The following MACROD2 variants were observed in gnomAD, a reference collection of about 807,000 sequenced individuals.
MACROD2 encodes mono-ADP ribosylhydrolase 2.
A neutral mutation model predicts 70.4 loss-of-function variants in MACROD2; 36 were observed. That is an observed-to-expected ratio of 0.51 (90% CI 0.39 to 0.68). MACROD2 has a LOEUF of 0.68. MACROD2 is among the 30% of genes least tolerant of loss of function. The pLI is 0.00. For missense variants in MACROD2, 496 were observed against 538.4 expected (o/e 0.92, Z 0.78); for synonymous variants, 172 against 178.8 (o/e 0.96, Z 0.30).
At chr20:14,415,997 TTGC>T (rs1303780042) in intron 3 of MACROD2, among the ~76,000 whole-genome samples, 1 of 151,764 alleles carries the variant, frequency 6.6e-6, no homozygotes, top group Non-Finnish European at 1.5e-5. Context: ...TCTCGCTCTG[TTGC>T]CAGACTGGAG....
chr20:14,163,117 C>T (rs1041985197), intron 3 of MACROD2, among the ~76,000 whole-genome samples: 4 of 152,096 alleles, frequency 2.6e-5, no homozygotes, highest in Admixed American at 2.0e-4. Flanking sequence ...TCCCTTAAGC[C>T]TTTATTGGAG....
At chr20:14,634,541 T>TC (rs1175789554) in intron 4 of MACROD2, among the ~76,000 whole-genome samples, 2 of 118,922 alleles carry the variant, frequency 1.7e-5, no homozygotes, top group Non-Finnish European at 3.5e-5. Flanking sequence ...TTCTTATCCC[T>TC]CCCCCCGCCC....
chr20:14,448,524 A>G (rs375420391), intron 3 of MACROD2, among the ~76,000 whole-genome samples: 17 of 151,900 alleles, frequency 1.1e-4, no homozygotes, highest in African/African-American at 4.1e-4. Flanking sequence ...CAAAAATACA[A>G]AAATTAGCCA....
intron 3 of MACROD2, among the ~76,000 whole-genome samples, chr20:14,152,068 G>A (rs894863491): frequency 4.6e-5 from 7 of 152,016 alleles, no homozygotes; most frequent in Non-Finnish European, 7.4e-5. Context: ...TGATCTGCCC[G>A]CGTCAGCCTC....
At chr20:14,707,766 A>G (rs2071287554) in intron 5 of MACROD2, among the ~76,000 whole-genome samples, 1 of 152,188 alleles carries the variant, frequency 6.6e-6, no homozygotes, top group African/African-American at 2.4e-5. Flanking sequence ...GGGCCCAAAG[A>G]AGGAGTGAAA....
intron 2 of MACROD2, among the ~76,000 whole-genome samples, chr20:14,016,197 A>G (rs1411031437): frequency 6.6e-6 from 1 of 152,180 alleles, no homozygotes; most frequent in African/African-American, 2.4e-5. Context: ...GAGCATCTTT[A>G]TAGATGCTTA....
intron 8 of MACROD2, among the ~76,000 whole-genome samples, chr20:15,618,853 G>A (rs995106628): frequency 6.6e-5 from 10 of 152,162 alleles, no homozygotes; most frequent in Non-Finnish European, 1.0e-4. Flanking sequence ...CCGGCTGTGC[G>A]GAGACAGGAG....
At chr20:14,911,813 C>G (rs769573352) in intron 5 of MACROD2, among the ~76,000 whole-genome samples, 9 of 152,216 alleles carry the variant, frequency 5.9e-5, no homozygotes, top group Middle Eastern at 3.4e-3. Flanking sequence ...AACCTCACAA[C>G]AAACAATGTT....
chr20:15,739,248 A>G (rs910370221), intron 8 of MACROD2, among the ~76,000 whole-genome samples: 2 of 152,198 alleles, frequency 1.3e-5, no homozygotes, highest in East Asian at 1.9e-4. Context: ...CGTTTTGATG[A>G]TGTTGAGTCA....
At chr20:14,480,364 T>C (rs1397581773) in intron 3 of MACROD2, among the ~76,000 whole-genome samples, 1 of 152,174 alleles carries the variant, frequency 6.6e-6, no homozygotes, top group Non-Finnish European at 1.5e-5. Context: ...AAACTAAGGA[T>C]TAATATTAAA....
rs11479438 is a variant in MACROD2, at chr20:14,047,454, C to CAA, written c.164-38147_164-38146dup. ...TGAGCAACAGAGCGAGACTCCGTCT[C>CAA]AAAAAAAAAAAAAAAAAAAAATCCA... On this transcript the variant is annotated intron_variant, in intron 2 of 17. Coordinates refer to ENST00000684519, the MANE Select transcript of MACROD2 (RefSeq NM_001351661.2). Among the ~76,000 whole-genome samples, 407 of 98,998 alleles carry CAA rather than the reference C, an allele frequency of 4.1e-3. 3 individuals are homozygous for CAA. Among genetic ancestry groups the CAA allele is most frequent in the Middle Eastern group, 0.016 (3 of 192 alleles). 64.9% of individuals were successfully genotyped at this position (98,998 alleles called of 152,430 possible).
chr20:15,415,358 A>G (rs559948988), intron 6 of MACROD2, among the ~76,000 whole-genome samples: 27 of 152,328 alleles, frequency 1.8e-4, no homozygotes, highest in African/African-American at 6.5e-4. Flanking sequence ...CTTGTCCTCA[A>G]AAATGTTCCT....
intron 5 of MACROD2, among the ~76,000 whole-genome samples, chr20:15,020,984 GTGTGTATATGTATATGCATACACA>G (rs2075163431): frequency 6.8e-6 from 1 of 147,284 alleles, no homozygotes; most frequent in Non-Finnish European, 1.5e-5. Context: ...ATATACACAT[GTGTGTATATGTATATGCATACACA>G]TGTGTATATG....
chr20:14,042,649 G>A (rs2053408833), intron 2 of MACROD2, among the ~76,000 whole-genome samples: 2 of 152,166 alleles, frequency 1.3e-5, no homozygotes, highest in African/African-American at 2.4e-5. Flanking sequence ...ACAAGTACGT[G>A]CCATCATGTC....
At chr20:14,969,981 A>G (rs367762802) in intron 5 of MACROD2, among the ~76,000 whole-genome samples, 6 of 152,258 alleles carry the variant, frequency 3.9e-5, no homozygotes, top group African/African-American at 1.4e-4. Flanking sequence ...CATCATCGTC[A>G]TCATCATCAT....
At chr20:14,072,024 AAAC>A (rs1473949983) in intron 2 of MACROD2, among the ~76,000 whole-genome samples, 1 of 152,264 alleles carries the variant, frequency 6.6e-6, no homozygotes, top group African/African-American at 2.4e-5. Context: ...GATTTTGTAT[AAAC>A]AAGCAAAGAA....
intron 3 of MACROD2, among the ~76,000 whole-genome samples, chr20:14,385,837 A>C (rs1218551334): frequency 1.3e-5 from 2 of 152,242 alleles, no homozygotes; most frequent in African/African-American, 2.4e-5. Flanking sequence ...ACTGACTTTT[A>C]TATTCATGCT....
intron 4 of MACROD2, among the ~76,000 whole-genome samples, chr20:14,613,464 C>T (rs1419563868): frequency 1.3e-5 from 2 of 151,904 alleles, no homozygotes; most frequent in African/African-American, 4.8e-5. Context: ...ACAAAGAGAC[C>T]TTGGGAAGGG....
chr20:15,942,242 G>T (rs2065761089), intron 12 of MACROD2, among the ~76,000 whole-genome samples: 1 of 152,152 alleles, frequency 6.6e-6, no homozygotes, highest in African/African-American at 2.4e-5. Context: ...TCAAGAGCTA[G>T]ATTGTGAGCT....
Sources: gnomAD v4.1 joint callset for allele counts (sites outside exome capture counted in the v4.1 genomes callset) on GRCh38, gnomAD v4.1.1 for gene constraint, MANE v1.5 for transcripts, NCBI Gene and HGNC (gene_info 2026-07-23, HGNC 2026-07-21) for gene names.